The following RBFOX3 variants were observed in gnomAD, a reference collection of about 807,000 sequenced individuals.
The protein encoded by RBFOX3 is RNA binding fox-1 homolog 3.
In RBFOX3, 17 loss-of-function variants were observed where a neutral mutation model predicts 48.7. The ratio of observed to expected loss-of-function variants is 0.35; its 90% CI spans 0.24 to 0.52. The LOEUF (loss-of-function observed/expected upper bound fraction) is 0.52. RBFOX3 is among the 20% of genes least tolerant of loss of function. The pLI is 0.94. For synonymous variants in RBFOX3, 212 were observed against 209.5 expected, an observed-to-expected ratio of 1.01 and a Z score of -0.10; for missense variants, 382 against 497.5, an observed-to-expected ratio of 0.77 and a Z score of 2.21.
At chr17:79,509,855 C>T (rs1301176015) in intron 1 of RBFOX3, among the ~76,000 whole-genome samples, 1 of 152,150 alleles carries the variant, frequency 6.6e-6, no homozygotes, top group Non-Finnish European at 1.5e-5. Context: ...CCCTGAGCCT[C>T]AGCTTCCCCA....
At chr17:79,613,611 C>A (rs909753123), upstream of RBFOX3, among the ~76,000 whole-genome samples, 917 of 152,266 alleles carry the variant, frequency 6.0e-3, 18 homozygotes, top group East Asian at 0.024. Context: ...TTGGGGCCAA[C>A]AGGACGACTG....
chr17:79,619,988 CGCACATGCACACACAT>C, the RBFOX3 span, among the ~76,000 whole-genome samples: 3 of 151,966 alleles, frequency 2.0e-5, no homozygotes, highest in Non-Finnish European at 2.9e-5. Context: ...CGCGCACACA[CGCACATGCACACACAT>C]GCACATGCAC....
chr17:79,359,469 T>A (rs1028422730), intron 2 of RBFOX3, among the ~76,000 whole-genome samples: 1 of 152,196 alleles, frequency 6.6e-6, no homozygotes, highest in African/African-American at 2.4e-5. Context: ...CCAAAGAGCA[T>A]ATTTTGCTGA....
intron 1 of RBFOX3, among the ~76,000 whole-genome samples, chr17:79,527,285 T>C (rs1166525828): frequency 6.6e-6 from 1 of 152,254 alleles, no homozygotes; most frequent in African/African-American, 2.4e-5. Flanking sequence ...CTTCCTTTTC[T>C]TTCTTTTCTC....
At chr17:79,656,232 T>C in the RBFOX3 span, among the ~76,000 whole-genome samples, 1 of 152,142 alleles carries the variant, frequency 6.6e-6, no homozygotes, top group Admixed American at 6.5e-5. Flanking sequence ...TCACATTGTC[T>C]CTCCTGCAAC....
intron 1 of RBFOX3, among the ~76,000 whole-genome samples, chr17:79,526,074 G>A (rs1280619773): frequency 6.6e-6 from 1 of 152,216 alleles, no homozygotes; most frequent in Non-Finnish European, 1.5e-5. Flanking sequence ...GCAGGAGACT[G>A]AGCCAGGAAA....
At chr17:79,589,401 G>C (rs1346494076) in intron 1 of RBFOX3, among the ~76,000 whole-genome samples, 4 of 152,104 alleles carry the variant, frequency 2.6e-5, no homozygotes, top group African/African-American at 9.7e-5. Context: ...ACCGTCCCCT[G>C]TTTGTGCCTC....
At chr17:79,108,968 G>C (rs2077971808) in intron 5 of RBFOX3, among the ~76,000 whole-genome samples, 1 of 152,242 alleles carries the variant, frequency 6.6e-6, no homozygotes, top group African/African-American at 2.4e-5. Context: ...GAACAGCGAG[G>C]ATGCAGCACA....
In RBFOX3 at chr17:79,104,037, C is replaced by T. The variant is rs745716103; in HGVS notation, c.414+36G>A. On this transcript the variant is annotated intron_variant, in intron 7 of 14. Transcript: ENST00000693108. The stretch of plus-strand genomic sequence containing the variant: ...ACGTTAGCCTGGCGGGACCTACAGC[C>T]GGCGCTGTAAGGCGGCAGCTCCGTG... 13 of 1,525,412 alleles carry T rather than the reference C, an allele frequency of 8.5e-6. No individual in the cohort carries two copies. The Admixed American group carries it at 9.8e-5, about 12-fold the overall frequency. 94.5% of individuals were successfully genotyped at this position (1,525,412 alleles called of 1,614,324 possible). A position where few individuals can be genotyped will look rare whatever the true frequency, so the allele number is the denominator to read the frequency against.
intron 4 of RBFOX3, among the ~76,000 whole-genome samples, chr17:79,217,194 T>C (rs535078168): frequency 1.3e-5 from 2 of 152,362 alleles, no homozygotes; most frequent in South Asian, 2.1e-4. Context: ...TGCTGGCAAC[T>C]GTCCCCTTCA....
chr17:79,288,868 G>T (rs1177905217), intron 3 of RBFOX3, among the ~76,000 whole-genome samples: 1 of 152,118 alleles, frequency 6.6e-6, no homozygotes, highest in Non-Finnish European at 1.5e-5. Flanking sequence ...GAGTGTTCTA[G>T]GCAGAAGGAA....
At chr17:79,318,147 G>C (rs1295243326) in intron 2 of RBFOX3, among the ~76,000 whole-genome samples, 1 of 152,172 alleles carries the variant, frequency 6.6e-6, no homozygotes, top group African/African-American at 2.4e-5. Context: ...CGGAGCCCTT[G>C]CCATGGTGAT....
At chr17:79,631,709 C>T in the RBFOX3 span, among the ~76,000 whole-genome samples, 16 of 152,182 alleles carry the variant, frequency 1.1e-4, no homozygotes, top group Admixed American at 1.0e-3. Context: ...TCAGGAGGAG[C>T]TGCCCACACT....
upstream of RBFOX3, among the ~76,000 whole-genome samples, chr17:79,611,169 T>TCTCTCTCTCTCTCCTCTCTCG: frequency 3.9e-5 from 1 of 25,906 alleles, no homozygotes; most frequent in Non-Finnish European, 8.1e-5. Context: ...TCTCTCTCTC[T>TCTCTCTCTCTCTCCTCTCTCG]CTCTCCGCCC....
At chr17:79,571,379 G>T (rs1030750649) in intron 1 of RBFOX3, among the ~76,000 whole-genome samples, 1 of 152,110 alleles carries the variant, frequency 6.6e-6, no homozygotes, top group Non-Finnish European at 1.5e-5. Flanking sequence ...GACAGGCTAC[G>T]GCCAGGCCTC....
At chr17:79,164,770 A>G (rs4435290) in intron 4 of RBFOX3, among the ~76,000 whole-genome samples, 145,011 of 152,308 alleles carry the variant, frequency 0.95, 69,144 homozygotes, top group East Asian at 1. Context: ...GATGCCCCAG[A>G]AGCTGGTCTT....
At chr17:79,501,372 T>C (rs2082361918) in intron 1 of RBFOX3, among the ~76,000 whole-genome samples, 1 of 152,210 alleles carries the variant, frequency 6.6e-6, no homozygotes, top group African/African-American at 2.4e-5. Context: ...GCTGGTTGTC[T>C]GCAGCCCTCA....
At chr17:79,555,829 ATGATGGTGG>A (rs1251604948) in intron 1 of RBFOX3, among the ~76,000 whole-genome samples, 2 of 151,658 alleles carry the variant, frequency 1.3e-5, no homozygotes, top group African/African-American at 4.8e-5. Flanking sequence ...GATGATAGTA[ATGATGGTGG>A]TGATGGTAAC....
Position 79,181,857 on chromosome 17 carries a change from C to A in RBFOX3, c.-34+53909G>T, listed in dbSNP as rs529479179. ...TTTGCCTTCTCTGTCCATTGCTCCACCTTAAACCACCTTCTATAGCTCCTT... is the reference window on the plus strand; with the variant it reads ...TTTGCCTTCTCTGTCCATTGCTCCAACTTAAACCACCTTCTATAGCTCCTT... On this transcript the variant is annotated intron_variant, in intron 4 of 14. Coordinates refer to ENST00000693108, the MANE Select transcript of RBFOX3 (RefSeq NM_001350451.2). 1.3e-4 allele frequency among the ~76,000 whole-genome samples: 20 copies of A among 152,230 alleles called. No individual in the cohort carries two copies. In the South Asian group the frequency reaches 4.1e-3, roughly 32 times the overall value.
Sources: allele counts gnomAD v4.1 joint callset (sites outside exome capture counted in the v4.1 genomes callset), GRCh38; gene constraint gnomAD v4.1.1; transcripts MANE v1.5; gene names NCBI Gene and HGNC (gene_info 2026-07-23, HGNC 2026-07-21).